Variants in ATRNL1 observed in about 807,000 individuals in gnomAD.
ATRNL1 encodes the protein attractin like 1.
A neutral mutation model predicts 182.7 loss-of-function variants in ATRNL1; 95 were observed. That is an observed-to-expected ratio of 0.52 (90% confidence interval 0.44 to 0.62). ATRNL1 has a LOEUF of 0.62. Among genes scored for constraint, ATRNL1 ranks in the 20% least tolerant of loss-of-function variants. The pLI is 0.00. For missense variants in ATRNL1, 1,471 were observed against 1,679.5 expected (o/e 0.88, Z 2.17); for synonymous variants, 576 against 568.3 (o/e 1.01, Z -0.19).
chr10:115,659,396 A>G (rs782035019), intron 26 of ATRNL1, among the ~76,000 whole-genome samples: 5 of 152,078 alleles, frequency 3.3e-5, no homozygotes, highest in Non-Finnish European at 5.9e-5. Context: ...CATTGTGCAT[A>G]TAGCTCCTTT....
chr10:115,297,629 C>T (rs758911488), intron 15 of ATRNL1, among the ~76,000 whole-genome samples: 85 of 130,902 alleles, frequency 6.5e-4, no homozygotes, highest in East Asian at 4.8e-4. Context: ...CCAGTCTGGG[C>T]GACAGAGTAA....
chr10:115,227,664 T>G (rs1310550891), intron 9 of ATRNL1, among the ~76,000 whole-genome samples: 2 of 152,118 alleles, frequency 1.3e-5, no homozygotes, highest in Non-Finnish European at 2.9e-5. Flanking sequence ...ATGGAATCAA[T>G]CCAGGTGCCC....
chr10:115,795,312 G>C (rs1949625706), intron 27 of ATRNL1, among the ~76,000 whole-genome samples: 1 of 152,084 alleles, frequency 6.6e-6, no homozygotes, highest in Non-Finnish European at 1.5e-5. Flanking sequence ...TTCTGATCCA[G>C]AATCCAAGGT....
intron 15 of ATRNL1, among the ~76,000 whole-genome samples, chr10:115,287,924 G>GTTTTTTTT (rs11298663): frequency 1.1e-5 from 1 of 91,020 alleles, no homozygotes; most frequent in Non-Finnish European, 2.2e-5. Flanking sequence ...AAGATCAACT[G>GTTTTTTTT]TTTTTTTTTT....
At chr10:115,359,832 A>C (rs1856656036) in intron 19 of ATRNL1, among the ~76,000 whole-genome samples, 1 of 151,550 alleles carries the variant, frequency 6.6e-6, no homozygotes, top group Non-Finnish European at 1.5e-5. Flanking sequence ...TTCTGGAGTC[A>C]TTTTAGCAGA....
At chr10:115,606,708 A>T (rs1856894066) in intron 26 of ATRNL1, among the ~76,000 whole-genome samples, 1 of 152,062 alleles carries the variant, frequency 6.6e-6, no homozygotes, top group South Asian at 2.1e-4. Context: ...ACAGTATTAT[A>T]CATAAGACTT....
At chr10:115,299,707 T>C (rs1165020517) in intron 15 of ATRNL1, among the ~76,000 whole-genome samples, 4 of 137,516 alleles carry the variant, frequency 2.9e-5, no homozygotes, top group Non-Finnish European at 6.3e-5. Context: ...TAACAATATG[T>C]TAAGTTTTTA....
intron 28 of ATRNL1, among the ~76,000 whole-genome samples, chr10:115,931,594 C>T (rs1253245310): frequency 6.6e-6 from 1 of 152,140 alleles, no homozygotes; most frequent in East Asian, 1.9e-4. Context: ...CAGAGATTCC[C>T]TTTATTGACC....
chr10:115,403,387 G>T (rs138529096), intron 20 of ATRNL1, among the ~76,000 whole-genome samples: 2 of 151,540 alleles, frequency 1.3e-5, no homozygotes, highest in African/African-American at 4.8e-5. Context: ...CCTGCACATA[G>T]GTTATCACCT....
At chr10:115,127,174 TC>T (rs1203868018) in intron 3 of ATRNL1, among the ~76,000 whole-genome samples, 1 of 152,192 alleles carries the variant, frequency 6.6e-6, no homozygotes, top group African/African-American at 2.4e-5. Context: ...TAGAGTGTCT[TC>T]CAGCTTCATC....
rs781805653 is a variant in ATRNL1, at chr10:115,773,419, C to T, written c.3903+46064C>T. ...GGGAAGTTCAGGCCTCAGGAAAATA[C>T]GGTGTTTAAAAAAGATTACTATATA... On this transcript the variant is annotated intron_variant, in intron 27 of 28. Transcript: ENST00000355044. 2.2e-4 allele frequency among the ~76,000 whole-genome samples: 33 copies of T among 152,194 alleles called. No individual in the cohort carries two copies. The Middle Eastern group carries it at 0.017, about 78-fold the overall frequency.
intron 24 of ATRNL1, among the ~76,000 whole-genome samples, chr10:115,489,106 C>T (rs1276037844): frequency 6.6e-6 from 1 of 152,012 alleles, no homozygotes; most frequent in Non-Finnish European, 1.5e-5. Context: ...TTATGATTTC[C>T]GTTCTTTTGC....
At chr10:115,825,820 T>C (rs1308667699) in intron 27 of ATRNL1, among the ~76,000 whole-genome samples, 1 of 152,192 alleles carries the variant, frequency 6.6e-6, no homozygotes, top group African/African-American at 2.4e-5. Context: ...CATATAGTTA[T>C]TCAAGCTGTG....
chr10:115,674,635 T>C (rs557295302), intron 26 of ATRNL1, among the ~76,000 whole-genome samples: 9 of 152,228 alleles, frequency 5.9e-5, no homozygotes, highest in African/African-American at 1.7e-4. Context: ...AACTGTGTAT[T>C]TGCCCATTTA....
At chr10:115,161,183 A>AT (rs1235037166) in intron 6 of ATRNL1, among the ~76,000 whole-genome samples, 1 of 151,964 alleles carries the variant, frequency 6.6e-6, no homozygotes, top group East Asian at 1.9e-4. Context: ...AACCCTCATA[A>AT]TTAGGAAGAT....
chr10:115,476,177 A>G (rs990266600), intron 24 of ATRNL1, among the ~76,000 whole-genome samples: 3 of 151,246 alleles, frequency 2.0e-5, no homozygotes, highest in Non-Finnish European at 4.4e-5. Flanking sequence ...TCTTTGATGC[A>G]TAAGTTATTC....
At chr10:115,146,471 G>C (rs1326688016) in intron 5 of ATRNL1, among the ~76,000 whole-genome samples, 1 of 152,012 alleles carries the variant, frequency 6.6e-6, no homozygotes, top group South Asian at 2.1e-4. Flanking sequence ...TCTGTGTTGG[G>C]AGCATTTCAA....
chr10:115,846,517 TTA>T (rs1423036359), intron 27 of ATRNL1, among the ~76,000 whole-genome samples: 1 of 152,138 alleles, frequency 6.6e-6, no homozygotes, highest in Non-Finnish European at 1.5e-5. Context: ...GTTCTAATAA[TTA>T]AAGCCGTGGT....
Position 115,536,545 on chromosome 10 carries a change from C to G in ATRNL1, c.3717-12913C>G, listed in dbSNP as rs554952084. On this transcript the variant is annotated intron_variant, in intron 25 of 28. Coordinates refer to ENST00000355044, the MANE Select transcript of ATRNL1 (RefSeq NM_207303.4). ...TTTCTTTGACTAGGTAAGGGAATTT[C>G]CTGACGCCTTGTGCTTCCCAAGTGA... 6.6e-5 allele frequency among the ~76,000 whole-genome samples: 10 copies of G among 152,334 alleles called. No individual in the cohort carries two copies. In the East Asian group the frequency reaches 1.9e-3, roughly 29 times the overall value.
Sources: allele counts gnomAD v4.1 joint callset (sites outside exome capture counted in the v4.1 genomes callset), GRCh38; gene constraint gnomAD v4.1.1; transcripts MANE v1.5; gene names NCBI Gene and HGNC (gene_info 2026-07-23, HGNC 2026-07-21).